Variants in AHI1 observed in about 807,000 individuals in gnomAD.
AHI1 encodes the protein Abelson helper integration site 1.
In AHI1, 123 loss-of-function variants were observed where a neutral mutation model predicts 149.3. The ratio of observed to expected loss-of-function variants is 0.82; its 90% CI spans 0.71 to 0.96. The LOEUF is 0.96. Ranked by LOEUF, AHI1 falls within the 40% of genes least tolerant of loss-of-function variation. AHI1 has a pLI of 0.00. For missense variants in AHI1, 1,439 were observed against 1,422.7 expected (o/e 1.01, Z -0.18); for synonymous variants, 475 against 459.8 (o/e 1.03, Z -0.42).
chr6:135,343,717 G>T (rs960199730), intron 24 of AHI1, among the ~76,000 whole-genome samples: 10 of 149,546 alleles, frequency 6.7e-5, no homozygotes, highest in Non-Finnish European at 3.0e-5. Context: ...GAATAAAGTT[G>T]GATCCTTAAC....
intron 24 of AHI1, among the ~76,000 whole-genome samples, chr6:135,325,871 C>T (rs977130476): frequency 1.4e-4 from 22 of 152,276 alleles, no homozygotes; most frequent in African/African-American, 2.6e-4. Context: ...GAATCACTTA[C>T]GAAATCCTAC....
rs745414159 is a variant in AHI1 at position 135,442,725 on chromosome 6, T to C, written c.1780-11A>G. The C allele has an allele frequency of 2.9e-5, 46 of 1,591,642 alleles. No homozygotes were observed. The highest frequency in any genetic ancestry group is 7.0e-5 in the South Asian group (6 of 85,874). Reference sequence around the variant, plus strand: ...TGGGATACGGCAAGCCTAAAAAACATACGTTTAAAAAATATAAATTAGCAA... The same window carrying C: ...TGGGATACGGCAAGCCTAAAAAACACACGTTTAAAAAATATAAATTAGCAA... On this transcript the variant is annotated splice_polypyrimidine_tract_variant and intron_variant, in intron 13 of 28. Coordinates refer to ENST00000265602, the MANE Select transcript of AHI1 (RefSeq NM_001134831.2).
rs1386025258 is a variant in AHI1 at position 135,320,408 on chromosome 6, T to C, written c.3329-1792A>G. Among the ~76,000 whole-genome samples the C allele has an allele frequency of 4.6e-5, 7 of 152,322 alleles. 1 individual carries two copies. The South Asian group carries it at 1.5e-3, about 32-fold the overall frequency. On this transcript the variant is annotated intron_variant, in intron 25 of 28. Transcript: ENST00000265602. ...TCATCACTGCAATATGCTTCAGAGG[T>C]CTGGCTTTGATCATCATGGAAGAAG...
chr6:135,397,720 G>C (rs1308776514), intron 22 of AHI1, among the ~76,000 whole-genome samples: 1 of 151,980 alleles, frequency 6.6e-6, no homozygotes, highest in Non-Finnish European at 1.5e-5. Context: ...CTCTTTTAGT[G>C]ATTAGTTAAA....
intron 2 of AHI1, 67 bp downstream of exon 2, chr6:135,497,121 T>C (rs1796077695): frequency 1.3e-5 from 2 of 152,356 alleles, no homozygotes; most frequent in South Asian, 4.1e-4. Context: ...TTTTGTTCTA[T>C]TTTTATGCAT....
chr6:135,424,159 A>C (rs182108247), intron 20 of AHI1, among the ~76,000 whole-genome samples: 3 of 152,168 alleles, frequency 2.0e-5, no homozygotes, highest in African/African-American at 7.2e-5. Context: ...GCTGAAAAGG[A>C]AATTTAGTGT....
chr6:135,289,381 G>T (rs1225577150), intron 28 of AHI1, among the ~76,000 whole-genome samples: 1 of 151,930 alleles, frequency 6.6e-6, no homozygotes, highest in Non-Finnish European at 1.5e-5. Context: ...TGTAGTCCCA[G>T]CTACTCGGGA....
At chr6:135,464,259 T>G (rs1790388604) in intron 7 of AHI1, among the ~76,000 whole-genome samples, 2 of 152,210 alleles carry the variant, frequency 1.3e-5, no homozygotes. Flanking sequence ...CCATTCTATT[T>G]GATCACATCA....
chr6:135,414,552 T>C (rs1233059885), intron 20 of AHI1, among the ~76,000 whole-genome samples: 1 of 152,130 alleles, frequency 6.6e-6, no homozygotes, highest in Non-Finnish European at 1.5e-5. Flanking sequence ...AATACTTGTA[T>C]ACACAAAACA....
At chr6:135,428,603 A>AT (rs762004590) in intron 19 of AHI1, 26 bp downstream of exon 19, 3 of 1,587,278 alleles carry the variant, frequency 1.9e-6, no homozygotes, top group Non-Finnish European at 2.6e-6. Context: ...TCCCCAAATG[A>AT]TTTTTAAAGT....
Position 135,455,921 on chromosome 6 carries a change from C to T in AHI1, c.1157G>A (p.Arg386Gln), listed in dbSNP as rs371243793. The change falls in exon 10 of 29, where the codon CGG becomes CAG. Residue 386 changes from arginine to glutamine, a missense_variant. Coordinates refer to ENST00000265602, the MANE Select transcript of AHI1 (RefSeq NM_001134831.2). Reference sequence around the variant, plus strand: ...TTTTTCATAGTAAGATGAAACAGGCCGTCCACTGTACAAAAAAAGATACTT... The same window carrying T: ...TTTTTCATAGTAAGATGAAACAGGCTGTCCACTGTACAAAAAAAGATACTT... ...GQYVKKDDSG[R>Q]PVSSYYEKEN... is the part of the protein sequence containing the mutation. 46 of 1,443,134 alleles carry T rather than the reference C, an allele frequency of 3.2e-5. No homozygotes were observed. In the African/African-American group the frequency reaches 3.8e-4, roughly 12 times the overall value. 89.4% of individuals were successfully genotyped at this position (1,443,134 alleles called of 1,614,324 possible). A position where few individuals can be genotyped will look rare whatever the true frequency, so the allele number is the denominator to read the frequency against.
chr6:135,429,795 G>C, intron 18 of AHI1, 87 bp downstream of exon 18: 1 of 817,654 alleles, frequency 1.2e-6, no homozygotes, highest in Non-Finnish European at 1.9e-6. Flanking sequence ...CTGCTTAGTT[G>C]AGAACCACTA....
At chr6:135,438,272 G>A (rs909467875) in intron 15 of AHI1, 103 bp downstream of exon 15, 4 of 1,133,746 alleles carry the variant, frequency 3.5e-6, no homozygotes, top group African/African-American at 1.6e-5. Flanking sequence ...CCCTTCTTGG[G>A]AAAATACGAC....
chr6:135,484,378 C>T (rs893505457), intron 5 of AHI1, among the ~76,000 whole-genome samples: 3 of 152,084 alleles, frequency 2.0e-5, no homozygotes, highest in African/African-American at 7.2e-5. Context: ...CTTTTAAATA[C>T]CTTTTTGATA....
chr6:135,492,183 TGTATAAAATATAAA>T, intron 4 of AHI1, 31 bp downstream of exon 4: 1 of 1,403,152 alleles, frequency 7.1e-7, no homozygotes, highest in Non-Finnish European at 9.7e-7. Context: ...TAAAAGTAAA[TGTATAAAATATAAA>T]TTTTATACAT....
At chr6:135,467,697 A>G (rs958952138) in intron 5 of AHI1, 63 bp from the exon 6 acceptor site, 77 of 1,181,868 alleles carry the variant, frequency 6.5e-5, no homozygotes, top group Non-Finnish European at 8.8e-5. Context: ...AGAAAAACCA[A>G]TAATTAATGT....
chr6:135,422,892 C>T (rs144906409), intron 20 of AHI1, among the ~76,000 whole-genome samples: 1 of 151,884 alleles, frequency 6.6e-6, no homozygotes, highest in Non-Finnish European at 1.5e-5. Flanking sequence ...ACCAACAACA[C>T]ATTTTACCAT....
At chr6:135,493,913 G>A (rs970619793) in intron 3 of AHI1, among the ~76,000 whole-genome samples, 1 of 152,142 alleles carries the variant, frequency 6.6e-6, no homozygotes, top group Non-Finnish European at 1.5e-5. Flanking sequence ...CGTGGTGGTG[G>A]GTGCCTGTAA....
intron 8 of AHI1, among the ~76,000 whole-genome samples, chr6:135,459,462 A>C (rs950349660): frequency 2.6e-5 from 4 of 152,114 alleles, no homozygotes; most frequent in African/African-American, 9.7e-5. Flanking sequence ...AGCAAATCAA[A>C]CCCAAATAAG....
Sources: gnomAD v4.1 joint callset for allele counts (sites outside exome capture counted in the v4.1 genomes callset) on GRCh38, gnomAD v4.1.1 for gene constraint, MANE v1.5 for transcripts, NCBI Gene and HGNC (gene_info 2026-07-23, HGNC 2026-07-21) for gene names.